The following ANAPC10 variants were observed in gnomAD, a reference collection of about 807,000 sequenced individuals.
ANAPC10 encodes anaphase promoting complex subunit 10, also known as anaphase-promoting complex subunit 10.
ANAPC10 carries 12 observed loss-of-function variants against 22.0 expected under a neutral mutation model. The observed-to-expected ratio is 0.55, with a 90% CI of 0.35 to 0.88. The LOEUF (loss-of-function observed/expected upper bound fraction) is 0.88, where lower values mean the gene tolerates loss of function less well. Ranked by LOEUF, ANAPC10 falls within the 40% of genes least tolerant of loss-of-function variation. ANAPC10 has a pLI of 0.01. For synonymous variants in ANAPC10, 65 were observed against 69.5 expected, an observed-to-expected ratio of 0.94 and a Z score of 0.32; for missense variants, 188 against 220.9, an observed-to-expected ratio of 0.85 and a Z score of 0.94.
intron 2 of ANAPC10, among the ~76,000 whole-genome samples, chr4:145,084,273 A>G (rs550690436): frequency 5.4e-4 from 83 of 152,358 alleles, no homozygotes; most frequent in Admixed American, 3.7e-3. Flanking sequence ...TGAGTTTTGC[A>G]TTGAATTTCA....
At chr4:145,093,552 T>C (rs1191390850) in intron 2 of ANAPC10, among the ~76,000 whole-genome samples, 1 of 149,434 alleles carries the variant, frequency 6.7e-6, no homozygotes, top group African/African-American at 2.5e-5. Flanking sequence ...TAACTATAAC[T>C]ATGAGTAAGA....
chr4:145,013,800 C>CA (rs1254762402), intron 4 of ANAPC10, among the ~76,000 whole-genome samples: 1 of 152,120 alleles, frequency 6.6e-6, no homozygotes, highest in Non-Finnish European at 1.5e-5. Context: ...CCTCCACCCC[C>CA]AAGCACACAC....
chr4:145,011,654 T>C (rs953333317), intron 4 of ANAPC10, among the ~76,000 whole-genome samples: 2 of 152,136 alleles, frequency 1.3e-5, no homozygotes, highest in African/African-American at 4.8e-5. Flanking sequence ...GAGTTGTTTC[T>C]TGAAGTCAGA....
At chr4:145,088,801 T>C (rs1747258570) in intron 2 of ANAPC10, among the ~76,000 whole-genome samples, 1 of 152,142 alleles carries the variant, frequency 6.6e-6, no homozygotes, top group Non-Finnish European at 1.5e-5. Context: ...CCTTTGTACT[T>C]AAAATCAATA....
intron 4 of ANAPC10, among the ~76,000 whole-genome samples, chr4:144,996,652 A>C (rs1283506387): frequency 6.6e-6 from 1 of 152,164 alleles, no homozygotes; most frequent in Non-Finnish European, 1.5e-5. Context: ...AAAAGCTGAA[A>C]ATTCTAAAAA....
intron 2 of ANAPC10, among the ~76,000 whole-genome samples, chr4:145,084,983 T>C (rs1056195070): frequency 6.6e-6 from 1 of 152,218 alleles, no homozygotes; most frequent in Admixed American, 6.5e-5. Context: ...TATTGGACAG[T>C]CATGCTTCAA....
At chr4:145,015,039 C>T (rs1341057032) in intron 4 of ANAPC10, among the ~76,000 whole-genome samples, 2 of 151,976 alleles carry the variant, frequency 1.3e-5, no homozygotes, top group Non-Finnish European at 2.9e-5. Context: ...CCTTAACACC[C>T]CCCAAAAAAT....
At chr4:145,020,693 T>A (rs1446657850) in intron 4 of ANAPC10, among the ~76,000 whole-genome samples, 1 of 151,954 alleles carries the variant, frequency 6.6e-6, no homozygotes, top group East Asian at 1.9e-4. Flanking sequence ...TAAAGACTCC[T>A]CCAGAAAGCT....
chr4:145,085,866 CTTT>C (rs77357289), intron 2 of ANAPC10, among the ~76,000 whole-genome samples: 1 of 140,398 alleles, frequency 7.1e-6, no homozygotes. Flanking sequence ...AATTTTTTTT[CTTT>C]TTTTTTTTTT....
intron 3 of ANAPC10, among the ~76,000 whole-genome samples, chr4:145,070,178 TG>T (rs1744287226): frequency 6.6e-6 from 1 of 152,212 alleles, no homozygotes; most frequent in Admixed American, 6.5e-5. Context: ...AGGCTAAATG[TG>T]GACCGCCACC....
chr4:145,097,049 A>C (rs1748647792), intron 1 of ANAPC10, among the ~76,000 whole-genome samples: 1 of 152,102 alleles, frequency 6.6e-6, no homozygotes, highest in African/African-American at 2.4e-5. Flanking sequence ...TCTCTAAAAA[A>C]ATTCCAAAAA....
chr4:145,094,191 G>A (rs1158284184), intron 2 of ANAPC10, among the ~76,000 whole-genome samples: 1 of 152,148 alleles, frequency 6.6e-6, no homozygotes, highest in Non-Finnish European at 1.5e-5. Flanking sequence ...ACAGATATGT[G>A]CCCCAGCAAA....
chr4:145,031,167 G>A (rs1410131143), intron 4 of ANAPC10, among the ~76,000 whole-genome samples: 1 of 152,128 alleles, frequency 6.6e-6, no homozygotes, highest in East Asian at 1.9e-4. Flanking sequence ...TCAACTCTCT[G>A]GCTTTGTGTC....
chr4:145,038,561 A>C (rs919497365), intron 4 of ANAPC10, among the ~76,000 whole-genome samples: 44 of 152,278 alleles, frequency 2.9e-4, no homozygotes, highest in Middle Eastern at 3.4e-3. Flanking sequence ...GCAATGGCTC[A>C]TGCCTGTAAT....
intron 2 of ANAPC10, among the ~76,000 whole-genome samples, chr4:145,093,459 CAAAA>C (rs1245438157): frequency 6.7e-6 from 1 of 149,130 alleles, no homozygotes; most frequent in African/African-American, 2.5e-5. Context: ...AAAAGACAAA[CAAAA>C]AGAAAAACAG....
At chr4:145,027,688 A>G (rs1736966061) in intron 4 of ANAPC10, among the ~76,000 whole-genome samples, 1 of 152,234 alleles carries the variant, frequency 6.6e-6, no homozygotes, top group Non-Finnish European at 1.5e-5. Context: ...ATTTACGCCA[A>G]AACTATGAGG....
intron 3 of ANAPC10, among the ~76,000 whole-genome samples, chr4:145,067,445 T>C (rs1743873652): frequency 6.6e-6 from 1 of 152,152 alleles, no homozygotes; most frequent in South Asian, 2.1e-4. Flanking sequence ...CCTCACTCAC[T>C]ACACGCTTTC....
chr4:145,044,460 G>A (rs1300784095), intron 4 of ANAPC10, among the ~76,000 whole-genome samples: 1 of 151,890 alleles, frequency 6.6e-6, no homozygotes, highest in East Asian at 1.9e-4. Flanking sequence ...TCTATCCTTT[G>A]CATTTCCTTC....
intron 4 of ANAPC10, among the ~76,000 whole-genome samples, chr4:145,000,415 A>C (rs1440460690): frequency 6.6e-6 from 1 of 152,234 alleles, no homozygotes; most frequent in Admixed American, 6.5e-5. Flanking sequence ...TTCTCAAAAG[A>C]AGACATTTAT....
Sources: gnomAD v4.1 joint callset for allele counts (sites outside exome capture counted in the v4.1 genomes callset) on GRCh38, gnomAD v4.1.1 for gene constraint, MANE v1.5 for transcripts, NCBI Gene and HGNC (gene_info 2026-07-23, HGNC 2026-07-21) for gene names.